The following GORAB variants were observed in gnomAD, a reference collection of about 807,000 sequenced individuals.
The protein encoded by GORAB is RAB6-interacting golgin.
A neutral mutation model predicts 29.9 loss-of-function variants in GORAB; 17 were observed. That is an observed-to-expected ratio of 0.57 (90% CI 0.39 to 0.85). The LOEUF is 0.85. Among genes scored for constraint, GORAB ranks in the 40% least tolerant of loss-of-function variants. The probability of loss-of-function intolerance (pLI) is 0.00; values close to 1 mark genes in which losing one functional copy is unlikely to be tolerated. For missense variants in GORAB, 442 were observed against 437.8 expected, an observed-to-expected ratio of 1.01 and a Z score of -0.09; for synonymous variants, 183 against 157.2, an observed-to-expected ratio of 1.16 and a Z score of -1.23.
At chr1:170,541,941 T>C (rs1178058209) in intron 2 of GORAB, among the ~76,000 whole-genome samples, 1 of 151,948 alleles carries the variant, frequency 6.6e-6, no homozygotes, top group Non-Finnish European at 1.5e-5. Context: ...AGCGACACCC[T>C]GTTCTCCACA....
chr1:170,542,056 ACAT>A (rs1487134664), intron 2 of GORAB, among the ~76,000 whole-genome samples: 1 of 152,238 alleles, frequency 6.6e-6, no homozygotes, highest in Non-Finnish European at 1.5e-5. Flanking sequence ...ATTGTCTGAA[ACAT>A]GTTAAGGTGG....
Position 170,553,776 on chromosome 1 carries a change from G to A in GORAB, c.*1314G>A. On this transcript the variant is annotated 3_prime_UTR_variant, in exon 5 of 5. Transcript: ENST00000367763. The stretch of plus-strand genomic sequence containing the variant: ...GCTTTTATTTATGAAATACATAAAA[G>A]CCAACAGTTTCATTGTCTAACACAC... The A allele has an allele frequency of 2.2e-6, 1 of 453,510 alleles. No individual in the cohort carries two copies. Among genetic ancestry groups the A allele is most frequent in the South Asian group, 1.6e-5 (1 of 64,224 alleles). The allele number at this position is 453,510 out of a possible 1,614,324, so 28.1% of individuals were successfully genotyped here.
At chr1:170,545,152 A>G in intron 4 of GORAB, 2 of 1,050,500 alleles carry the variant, frequency 1.9e-6, no homozygotes, top group Non-Finnish European at 2.3e-6. Context: ...CTCATCTTTC[A>G]GCATCTAGCA....
At position 170,539,425 on chromosome 1, in the gene GORAB, T is replaced by TC; in HGVS notation, c.282dup (p.Val95ArgfsTer3). 6.2e-7 allele frequency: 1 copy of TC among 1,613,910 alleles called. No homozygotes were observed. The highest frequency in any genetic ancestry group is 8.5e-7 in the Non-Finnish European group (1 of 1,179,956). ...TCTTCCGAGTCATTTCACTCTCACCTCCCCCGTTGGTGATGGACAACCACA... is the reference window on the plus strand; with the variant it reads ...TCTTCCGAGTCATTTCACTCTCACCTCCCCCCGTTGGTGATGGACAACCACA... On this transcript the variant is annotated frameshift_variant, in exon 2 of 5. Transcript: ENST00000367763. LOFTEE classifies it high-confidence loss of function.
intron 3 of GORAB, among the ~76,000 whole-genome samples, chr1:170,542,800 T>G (rs1311544672): frequency 6.6e-6 from 1 of 152,236 alleles, no homozygotes; most frequent in Non-Finnish European, 1.5e-5. Flanking sequence ...ATAGAGCATA[T>G]TAAATTTGTA....
chr1:170,537,098 C>G (rs558072319), intron 1 of GORAB, among the ~76,000 whole-genome samples: 1 of 152,180 alleles, frequency 6.6e-6, no homozygotes, highest in African/African-American at 2.4e-5. Context: ...TGCCTGCCTT[C>G]CTTTCTTTCC....
In GORAB at chr1:170,542,498, A is replaced by G; in HGVS notation, c.427A>G (p.Lys143Glu). Residue 143 changes from lysine (K) to glutamate (E), a missense_variant, in exon 3 of 5, where the codon AAA becomes GAA. Physicochemically the swap from Lys to Glu is moderately conservative, Grantham distance 56 (BLOSUM62 1). Coordinates refer to ENST00000367763, the MANE Select transcript of GORAB (RefSeq NM_152281.3). ...LEKKKVELQE[K>E]SRWEVLQQEQ... ...GCTTTTTTTGCCCCCTAGGCAAGAA[A>G]AATCTCGTTGGGAAGTCCTCCAACA... 1 of 1,613,186 alleles carries G rather than the reference A, an allele frequency of 6.2e-7. No individual in the cohort carries two copies.
chr1:170,533,076 A>G (rs1261564488), intron 1 of GORAB, among the ~76,000 whole-genome samples: 1 of 152,224 alleles, frequency 6.6e-6, no homozygotes, highest in Non-Finnish European at 1.5e-5. Flanking sequence ...AGTGATCTGT[A>G]TGGTTATCGT....
At position 170,552,496 on chromosome 1, in the gene GORAB, G is replaced by A; in HGVS notation, c.*34G>A. On this transcript the variant is annotated 3_prime_UTR_variant, in exon 5 of 5. Coordinates refer to ENST00000367763, the MANE Select transcript of GORAB (RefSeq NM_152281.3). The stretch of plus-strand genomic sequence containing the variant: ...TATTCTTTTGAGCTAATATGGTATT[G>A]AGTAAAGTATACTTTTTGCAGTAGA... The A allele has an allele frequency of 6.4e-7, 1 of 1,560,680 alleles. No homozygotes were observed. The highest frequency in any genetic ancestry group is 8.8e-7 in the Non-Finnish European group (1 of 1,133,414).
At chr1:170,546,397 A>G (rs1414727455) in intron 4 of GORAB, among the ~76,000 whole-genome samples, 1 of 152,106 alleles carries the variant, frequency 6.6e-6, no homozygotes, top group Non-Finnish European at 1.5e-5. Context: ...CTCAAAAAAA[A>G]AAAAGAAAGA....
At chr1:170,546,337 C>T (rs1347512224) in intron 4 of GORAB, among the ~76,000 whole-genome samples, 1 of 151,880 alleles carries the variant, frequency 6.6e-6, no homozygotes, top group Non-Finnish European at 1.5e-5. Flanking sequence ...TTGCAGTGAG[C>T]CAAGATTGCG....
chr1:170,535,650 C>T (rs1245811149), intron 1 of GORAB, among the ~76,000 whole-genome samples: 1 of 152,192 alleles, frequency 6.6e-6, no homozygotes, highest in East Asian at 1.9e-4. Flanking sequence ...AAGCGATCCT[C>T]CTGCCTCAGA....
rs1648714458 is a variant in GORAB, at chr1:170,532,186, G to T, written c.-38G>T. On this transcript the variant is annotated 5_prime_UTR_variant, in exon 1 of 5. Coordinates refer to ENST00000367763, the MANE Select transcript of GORAB (RefSeq NM_152281.3). The stretch of plus-strand genomic sequence containing the variant: ...GCAGTGTTGGCAGTCGCGGCTGCGA[G>T]ATTTGGGCACTTTTGGGGGTGCCGG... 1 of 1,613,854 alleles carries T rather than the reference G, an allele frequency of 6.2e-7. No individual in the cohort carries two copies. The highest frequency in any genetic ancestry group is 8.5e-7 in the Non-Finnish European group (1 of 1,180,048).
At chr1:170,545,762 T>C (rs1039792225) in intron 4 of GORAB, 1 of 983,568 alleles carries the variant, frequency 1.0e-6, no homozygotes, top group Non-Finnish European at 1.2e-6. Context: ...GATTGTGGTT[T>C]TTAATAAACT....
chr1:170,532,657 G>T, intron 1 of GORAB: 1 of 264,220 alleles, frequency 3.8e-6, no homozygotes, highest in African/African-American at 2.2e-5. Context: ...AAGGAGGAGG[G>T]GCGCACACCG....
rs998860349 is a variant in GORAB at position 170,540,445 on chromosome 1, C to CT, written c.419+889dup. Among the ~76,000 whole-genome samples, 171 of 147,382 alleles carry CT rather than the reference C, an allele frequency of 1.2e-3. 1 individual carries two copies. The highest frequency in any genetic ancestry group is 2.8e-3 in the Admixed American group (41 of 14,804). ...CTTTTCTGAGTTCTTTTCAAAGTATCTTTTTTTTTTTCTAATCTCTGACAT... is the reference window on the plus strand; with the variant it reads ...CTTTTCTGAGTTCTTTTCAAAGTATCTTTTTTTTTTTTCTAATCTCTGACAT... On this transcript the variant is annotated intron_variant, in intron 2 of 4. Transcript: ENST00000367763.
chr1:170,537,812 TAA>T (rs1432314037), intron 1 of GORAB, among the ~76,000 whole-genome samples: 1 of 151,772 alleles, frequency 6.6e-6, no homozygotes, highest in African/African-American at 2.4e-5. Flanking sequence ...GTTTATTGTT[TAA>T]AATTAGCATT....
intron 2 of GORAB, among the ~76,000 whole-genome samples, chr1:170,540,845 T>C (rs944631920): frequency 6.6e-6 from 1 of 152,126 alleles, no homozygotes; most frequent in Admixed American, 6.5e-5. Context: ...TGTTCAGAGA[T>C]GATACCTCAT....
chr1:170,532,814 C>T (rs753489788), intron 1 of GORAB, among the ~76,000 whole-genome samples: 1 of 152,144 alleles, frequency 6.6e-6, no homozygotes, highest in Non-Finnish European at 1.5e-5. Context: ...TGCAGTACTT[C>T]CCAATTTTTG....
Sources: gnomAD v4.1 joint callset for allele counts (sites outside exome capture counted in the v4.1 genomes callset) on GRCh38, gnomAD v4.1.1 for gene constraint, MANE v1.5 for transcripts, NCBI Gene and HGNC (gene_info 2026-07-23, HGNC 2026-07-21) for gene names.